Variants in COL24A1 observed in about 807,000 individuals in gnomAD.
The protein encoded by COL24A1 is collagen type XXIV alpha 1 chain.
A neutral mutation model predicts 253.9 loss-of-function variants in COL24A1; 224 were observed. The ratio of observed to expected loss-of-function variants is 0.88; its 90% CI spans 0.79 to 0.99. The LOEUF (loss-of-function observed/expected upper bound fraction) is 0.99. COL24A1 is among the 50% of genes least tolerant of loss of function. The probability of loss-of-function intolerance (pLI) is 0.00; values close to 1 mark genes in which losing one functional copy is unlikely to be tolerated. For missense variants in COL24A1, 2,131 were observed against 2,068.5 expected (o/e 1.03, Z -0.59); for synonymous variants, 685 against 673.7 (o/e 1.02, Z -0.26).
chr1:85,739,992 C>A lies in COL24A1; in HGVS notation c.4673-2487G>T, dbSNP rs140070858. ...ACCTACTATCACTTTTTCATTGCCC[C>A]TAATGATCATATGTTCACTTCCCTT... On this transcript the variant is annotated intron_variant, in intron 57 of 59. Transcript: ENST00000370571. 9.3e-3 allele frequency among the ~76,000 whole-genome samples: 1,415 copies of A among 152,268 alleles called. 56 individuals carry two copies. Among genetic ancestry groups the A allele is most frequent in the Admixed American group, 0.062 (953 of 15,286 alleles).
intron 25 of COL24A1, among the ~76,000 whole-genome samples, chr1:85,911,041 A>G (rs1462691256): frequency 6.6e-6 from 1 of 151,848 alleles, no homozygotes; most frequent in African/African-American, 2.4e-5. Flanking sequence ...TAAAATGGTA[A>G]CTTATTCTTC....
At chr1:85,875,000 C>T (rs1277096894) in intron 34 of COL24A1, among the ~76,000 whole-genome samples, 1 of 152,174 alleles carries the variant, frequency 6.6e-6, no homozygotes, top group African/African-American at 2.4e-5. Context: ...GAATCTAATG[C>T]TTGATGATCC....
At position 86,156,601 on chromosome 1, in the gene COL24A1, C is replaced by T; in HGVS notation, c.-205G>A. On this transcript the variant is annotated 5_prime_UTR_variant, in exon 1 of 60. Transcript: ENST00000370571. ...AGCACCCGAAGGGGAGGACAGGCTT[C>T]CTAGCTCTCTGGCTCGGTAACGAAC... is the stretch of plus-strand genomic sequence containing the variant. The T allele has an allele frequency of 2.3e-6, 1 of 427,592 alleles. No homozygotes were observed. Among genetic ancestry groups the T allele is most frequent in the Admixed American group, 4.4e-5 (1 of 22,872 alleles). The allele number at this position is 427,592 out of a possible 1,614,324, so 26.5% of individuals were successfully genotyped here.
At chr1:85,832,587 C>A (rs1300095595) in intron 43 of COL24A1, among the ~76,000 whole-genome samples, 3 of 150,380 alleles carry the variant, frequency 2.0e-5, no homozygotes, top group African/African-American at 7.4e-5. Context: ...TTGTTTGTAT[C>A]CTCTTTTATT....
rs780808673 is a variant in COL24A1 at position 86,050,128 on chromosome 1, TCTC to T, written c.1898_1900del (p.Gly633del). On this transcript the variant is annotated inframe_deletion, in exon 11 of 60. Coordinates refer to ENST00000370571, the MANE Select transcript of COL24A1 (RefSeq NM_152890.7). ...ATTTGAAGGGAATGGACTTACCCGT[TCTC>T]CTTCAGGTCCCAGTTGTCCCGCTTC... 6 of 1,613,188 alleles carry T rather than the reference TCTC, an allele frequency of 3.7e-6. No individual in the cohort carries two copies. Among genetic ancestry groups the T allele is most frequent in the Non-Finnish European group, 5.1e-6 (6 of 1,179,304 alleles).
chr1:86,043,598 G>T (rs1390581000), intron 12 of COL24A1, among the ~76,000 whole-genome samples: 1 of 151,950 alleles, frequency 6.6e-6, no homozygotes, highest in African/African-American at 2.4e-5. Flanking sequence ...CACGCTCTCA[G>T]CTCACTGCAA....
At chr1:86,019,420 T>C (rs1032123480) in intron 18 of COL24A1, among the ~76,000 whole-genome samples, 12 of 76,608 alleles carry the variant, frequency 1.6e-4, no homozygotes, top group African/African-American at 6.2e-4. Flanking sequence ...ATTAGCTGGG[T>C]ATGGTGGTGG....
At chr1:85,840,627 C>T (rs1676503275) in intron 42 of COL24A1, among the ~76,000 whole-genome samples, 3 of 152,018 alleles carry the variant, frequency 2.0e-5, no homozygotes, top group Non-Finnish European at 4.4e-5. Context: ...TACATATGGT[C>T]TTTAGACATT....
At chr1:86,059,076 A>G in intron 9 of COL24A1, 45 bp downstream of exon 9, 1 of 1,365,996 alleles carries the variant, frequency 7.3e-7, no homozygotes, top group East Asian at 2.4e-5. Context: ...CAATGTATTA[A>G]TAAATAGGAA....
intron 24 of COL24A1, among the ~76,000 whole-genome samples, chr1:85,922,230 T>C (rs749882269): frequency 2.0e-5 from 3 of 152,290 alleles, no homozygotes; most frequent in South Asian, 2.1e-4. Context: ...TGGAACCAAG[T>C]TGGAAAACAC....
intron 23 of COL24A1, among the ~76,000 whole-genome samples, chr1:85,963,053 A>G (rs905971573): frequency 7.9e-5 from 12 of 152,162 alleles, no homozygotes; most frequent in African/African-American, 2.9e-4. Flanking sequence ...AATAAAATAT[A>G]CTATTAAATT....
At chr1:85,973,022 T>A (rs1692328642) in intron 20 of COL24A1, among the ~76,000 whole-genome samples, 1 of 152,216 alleles carries the variant, frequency 6.6e-6, no homozygotes, top group South Asian at 2.1e-4. Context: ...TTCCACCACT[T>A]ACTGAAATAA....
intron 12 of COL24A1, among the ~76,000 whole-genome samples, chr1:86,042,224 GA>G (rs1171719170): frequency 1.3e-5 from 2 of 151,688 alleles, no homozygotes; most frequent in East Asian, 1.9e-4. Flanking sequence ...ATACAAGGAA[GA>G]AAAAAAACAT....
intron 55 of COL24A1, among the ~76,000 whole-genome samples, chr1:85,748,363 T>C (rs1317325722): frequency 2.0e-5 from 3 of 152,356 alleles, no homozygotes; most frequent in African/African-American, 4.8e-5. Flanking sequence ...ATGTACTTTA[T>C]ATGTCCTTCC....
intron 19 of COL24A1, among the ~76,000 whole-genome samples, chr1:85,994,871 T>C (rs1694628133): frequency 6.6e-6 from 1 of 152,158 alleles, no homozygotes; most frequent in Admixed American, 6.5e-5. Context: ...GGTATCTGCC[T>C]CTCCTTCATT....
intron 5 of COL24A1, among the ~76,000 whole-genome samples, chr1:86,098,888 T>C (rs770560379): frequency 1.3e-5 from 2 of 151,958 alleles, no homozygotes; most frequent in Non-Finnish European, 2.9e-5. Context: ...ATACAAAATC[T>C]TCTAGACATA....
chr1:86,057,930 C>T lies in COL24A1; in HGVS notation c.1851+1G>A, dbSNP rs1182176240. ...ACAGAATGATGGAAATGCCTACTTA[C>T]TTGTGCACCTTTAGGACCTGGATTA... On this transcript the variant is annotated splice_donor_variant, in intron 10 of 59. Coordinates refer to ENST00000370571, the MANE Select transcript of COL24A1 (RefSeq NM_152890.7). LOFTEE classifies it high-confidence loss of function. The T allele has an allele frequency of 5.0e-6, 8 of 1,612,430 alleles. No homozygotes were observed. The highest frequency in any genetic ancestry group is 6.8e-6 in the Non-Finnish European group (8 of 1,179,152).
chr1:86,038,331 A>T (rs1699188584), intron 12 of COL24A1, among the ~76,000 whole-genome samples: 1 of 152,164 alleles, frequency 6.6e-6, no homozygotes, highest in Non-Finnish European at 1.5e-5. Flanking sequence ...GAAAAATTAG[A>T]TAATTAATTT....
At chr1:86,099,782 T>A (rs1280063323) in intron 5 of COL24A1, among the ~76,000 whole-genome samples, 1 of 152,132 alleles carries the variant, frequency 6.6e-6, no homozygotes, top group East Asian at 1.9e-4. Flanking sequence ...ACTCAACTGG[T>A]ATCCCTGTTT....
Sources: allele counts gnomAD v4.1 joint callset (sites outside exome capture counted in the v4.1 genomes callset), GRCh38; gene constraint gnomAD v4.1.1; transcripts MANE v1.5; gene names NCBI Gene and HGNC (gene_info 2026-07-23, HGNC 2026-07-21).